Variants in SPEG observed in about 807,000 individuals in gnomAD.
SPEG encodes the protein striated muscle enriched protein kinase, also known as striated muscle preferentially expressed protein kinase.
SPEG carries 114 observed loss-of-function variants against 300.4 expected under a neutral mutation model. The ratio of observed to expected loss-of-function variants is 0.38; its 90% CI spans 0.33 to 0.44. SPEG has a LOEUF of 0.44. Ranked by LOEUF, SPEG falls within the 20% of genes least tolerant of loss-of-function variation. The probability of loss-of-function intolerance (pLI) is 1.00; values close to 1 mark genes in which losing one functional copy is unlikely to be tolerated. For synonymous variants in SPEG, 1,964 were observed against 2,018.9 expected, an observed-to-expected ratio of 0.97 and a Z score of 0.73; for missense variants, 4,201 against 4,586.2, an observed-to-expected ratio of 0.92 and a Z score of 2.43.
At position 219,477,874 on chromosome 2, in the gene SPEG, TG is replaced by T; in HGVS notation, c.4827-30del. 1 of 1,608,704 alleles carries T rather than the reference TG, an allele frequency of 6.2e-7. No homozygotes were observed. Among genetic ancestry groups the T allele is most frequent in the Non-Finnish European group, 8.5e-7 (1 of 1,175,648 alleles). On this transcript the variant is annotated intron_variant, in intron 21 of 40. Transcript: ENST00000312358. This position sits in a 1 kb window ranked among gnomAD's most constrained non-coding sequence, Gnocchi z 6.4. ...GGGTGGAGAGGGCCACAGTGATGGC[TG>T]ATCTCTGACCCCCTCCCTGTGTCAA...
Position 219,479,851 on chromosome 2 carries a change from C to T in SPEG, c.5154C>T (p.Leu1718=), listed in dbSNP as rs746644556. The part of the protein sequence containing the change: ...HYLHQSHVLH[L]DVKPENLLVW... ...TGCACCAGAGCCACGTGCTGCACCT[C>T]GATGTCAAGGTGAGGTGGGGACTGG... is the stretch of plus-strand genomic sequence containing the variant. The change falls in exon 24 of 41, where the codon CTC becomes CTT. Residue 1718 remains leucine, a synonymous_variant. Transcript: ENST00000312358. This position sits in a 1 kb window ranked among gnomAD's most constrained non-coding sequence, Gnocchi z 5.5. The T allele has an allele frequency of 8.9e-5, 143 of 1,613,920 alleles. No homozygotes were observed. The highest frequency in any genetic ancestry group is 1.1e-4 in the Non-Finnish European group (132 of 1,179,960).
At chr2:219,486,453 C>G (rs949980902) in intron 31 of SPEG, among the ~76,000 whole-genome samples, 5 of 152,122 alleles carry the variant, frequency 3.3e-5, no homozygotes, top group Admixed American at 2.0e-4. Context: ...TTGTGTCCAG[C>G]CTTGGCCAGG....
Position 219,449,175 on chromosome 2 carries a change from G to T in SPEG, c.2017G>T (p.Gly673Trp), listed in dbSNP as rs1402643910. The T allele has an allele frequency of 2.9e-6, 4 of 1,398,536 alleles. No individual in the cohort carries two copies. The East Asian group carries it at 1.2e-4, about 43-fold the overall frequency. The allele number at this position is 1,398,536 out of a possible 1,614,324, so 86.6% of individuals were successfully genotyped here. Residue 673 changes from glycine (G) to tryptophan (W), a missense_variant, in exon 4 of 41, where the codon GGG (glycine) becomes TGG (tryptophan). Physicochemically the swap from Gly to Trp is radical, Grantham distance 184 (BLOSUM62 -2). Transcript: ENST00000312358. ...GPEAEKRLRR[G>W]PEEDGPWGPW... ...TGAGGCAGAGAAGAGGCTTCGCAGA[G>T]GGCCGGAGGAGGACGGTCCCTGGGG...
At chr2:219,454,178 C>T (rs1429144813) in intron 6 of SPEG, among the ~76,000 whole-genome samples, 2 of 152,224 alleles carry the variant, frequency 1.3e-5, no homozygotes, top group Non-Finnish European at 2.9e-5. Context: ...ACCCACAGAT[C>T]TCAATTCCTG....
Position 219,484,985 on chromosome 2 carries a change from CACA to C in SPEG, c.7525_7527del (p.Asn2509del). ...GAGTCTGCGGCGCCTTGGCCTTCCG[CACA>C]ACCAGTTGGCCGCCCAGGCCGGCGC... On this transcript the variant is annotated inframe_deletion, in exon 30 of 41. Transcript: ENST00000312358. The C allele has an allele frequency of 1.3e-6, 2 of 1,530,976 alleles. No individual in the cohort carries two copies. Among genetic ancestry groups the C allele is most frequent in the Non-Finnish European group, 1.7e-6 (2 of 1,145,016 alleles). 94.8% of individuals were successfully genotyped at this position (1,530,976 alleles called of 1,614,324 possible).
rs201000374 is a variant in SPEG at position 219,484,054 on chromosome 2, C to A, written c.6591C>A (p.Thr2197=). 1.2e-6 allele frequency: 2 copies of A among 1,613,720 alleles called. No homozygotes were observed. The highest frequency in any genetic ancestry group is 4.5e-5 in the East Asian group (2 of 44,850). Residue 2197 remains threonine (T), a synonymous_variant, in exon 30 of 41, where the codon ACC becomes ACA. Transcript: ENST00000312358. ...STPKSAEPSA[T]TPSDAPQPPA... The stretch of plus-strand genomic sequence containing the variant: ...CTAAGTCTGCAGAACCTTCTGCCAC[C>A]ACACCTAGTGATGCTCCGCAGCCCC...
rs1197035710 is a variant in SPEG, at chr2:219,477,057, C to T, written c.4560+75C>T. ...GGGGGCGTGGGAGGGTCCTGGAAGG[C>T]CTTAGGAGGGCGGAGCCCGGGCAGA... is the stretch of plus-strand genomic sequence containing the variant. On this transcript the variant is annotated intron_variant, in intron 19 of 40. Transcript: ENST00000312358. This position sits in a 1 kb window ranked among gnomAD's most constrained non-coding sequence, Gnocchi z 6.4. 1.1e-4 allele frequency: 153 copies of T among 1,343,706 alleles called. No homozygotes were observed. Among genetic ancestry groups the T allele is most frequent in the Non-Finnish European group, 1.5e-4 (149 of 974,504 alleles). The allele number at this position is 1,343,706 out of a possible 1,614,324, so 83.2% of individuals were successfully genotyped here.
At chr2:219,475,207 C>T (rs558100092) in intron 18 of SPEG, among the ~76,000 whole-genome samples, 6 of 152,134 alleles carry the variant, frequency 3.9e-5, no homozygotes, top group African/African-American at 1.4e-4. Context: ...CATATGTAAC[C>T]GCCACTCAGA....
In SPEG at chr2:219,484,290, C is replaced by G; in HGVS notation, c.6827C>G (p.Ala2276Gly). ...AAPPSEPKPH[A>G]AVFARVASPP... is the part of the protein sequence containing the mutation. ...CCGCCTTCAGAGCCCAAGCCCCACGCTGCTGTCTTTGCCAGGGTGGCCTCC... is the reference window on the plus strand; with the variant it reads ...CCGCCTTCAGAGCCCAAGCCCCACGGTGCTGTCTTTGCCAGGGTGGCCTCC... Residue 2276 changes from alanine (A) to glycine (G), a missense_variant, in exon 30 of 41, where the codon GCT (alanine) becomes GGT (glycine). By Grantham distance (60) the Ala-to-Gly change is moderately conservative. This residue lies in a region of SPEG where 1,578 missense variants were observed against 1,506.0 expected (regional missense o/e 1.05). Coordinates refer to ENST00000312358, the MANE Select transcript of SPEG (RefSeq NM_005876.5). 1.2e-6 allele frequency: 2 copies of G among 1,607,634 alleles called. No individual in the cohort carries two copies. Among genetic ancestry groups the G allele is most frequent in the Non-Finnish European group, 1.7e-6 (2 of 1,179,440 alleles).
In SPEG at chr2:219,484,805, TC is replaced by T. The variant is rs966885713; in HGVS notation, c.7346del (p.Pro2449ArgfsTer9). The T allele has an allele frequency of 2.7e-6, 4 of 1,482,590 alleles. No homozygotes were observed. The highest frequency in any genetic ancestry group is 1.5e-5 in the African/African-American group (1 of 67,952). The allele number at this position is 1,482,590 out of a possible 1,614,324, so 91.8% of individuals were successfully genotyped here. On this transcript the variant is annotated frameshift_variant, in exon 30 of 41. Transcript: ENST00000312358. LOFTEE classifies it high-confidence loss of function. ...SSEGGSSARGSPVLAMRRRLS... is the reference protein window; with the variant it reads ...SSEGGSSARGXPVLAMRRRLS... ...GGAGGGCGGGAGCTCGGCGCGGGGC[TC>T]CCCGGTGCTGGCGATGCGCAGGCGG...
chr2:219,442,393 A>C (rs536948510), intron 1 of SPEG, among the ~76,000 whole-genome samples: 4 of 150,118 alleles, frequency 2.7e-5, no homozygotes, highest in Admixed American at 6.6e-5. Flanking sequence ...CTTCTTTGCC[A>C]CATCTTCTCT....
chr2:219,491,041 A>G, intron 38 of SPEG, 85 bp downstream of exon 38: 3 of 974,712 alleles, frequency 3.1e-6, no homozygotes, highest in Non-Finnish European at 4.7e-6. Context: ...TCACTTACAT[A>G]TGTGCCACTT....
In SPEG at chr2:219,458,409, T is replaced by TC. The variant is rs1273524524; in HGVS notation, c.2441-3470dup. Among the ~76,000 whole-genome samples, 1 of 151,520 alleles carries TC rather than the reference T, an allele frequency of 6.6e-6. No homozygotes were observed. The highest frequency in any genetic ancestry group is 6.6e-5 in the Admixed American group (1 of 15,244). ...GAAATGCAGTTTCTTTTTTTTTTTT[T>TC]CCCAATAAGCGTTTTGCACTCTTAA... On this transcript the variant is annotated intron_variant, in intron 6 of 40. Coordinates refer to ENST00000312358, the MANE Select transcript of SPEG (RefSeq NM_005876.5). This position sits in a 1 kb window ranked among gnomAD's most constrained non-coding sequence, Gnocchi z 4.2.
At position 219,449,060 on chromosome 2, in the gene SPEG, G is replaced by C; in HGVS notation, c.1902G>C (p.Pro634=). ...CCCCCGGTCGGAAGCGGGAGCCCCC[G>C]GCGCAGGCCGTGCGCTTCCTGCCCT... The part of the protein sequence containing the change: ...KAPPGRKREP[P]AQAVRFLPWA... Residue 634 remains proline, a synonymous_variant, in exon 4 of 41, where the codon CCG becomes CCC. Transcript: ENST00000312358. The C allele has an allele frequency of 2.0e-6, 3 of 1,518,044 alleles. No homozygotes were observed. The highest frequency in any genetic ancestry group is 2.6e-6 in the Non-Finnish European group (3 of 1,132,742). The allele number at this position is 1,518,044 out of a possible 1,614,324, so 94.0% of individuals were successfully genotyped here.
Position 219,452,760 on chromosome 2 carries a change from A to G in SPEG, c.2440+953A>G, listed in dbSNP as rs555230588. 3.9e-5 allele frequency among the ~76,000 whole-genome samples: 6 copies of G among 152,262 alleles called. No individual in the cohort carries two copies. The East Asian group carries it at 9.7e-4, about 25-fold the overall frequency. On this transcript the variant is annotated intron_variant, in intron 6 of 40. Transcript: ENST00000312358. ...CGGCACGGGGAAGGCGGGACATGCC[A>G]AGAGGGGGAACAGCACATGGTGTTC... is the stretch of plus-strand genomic sequence containing the variant.
In SPEG at chr2:219,477,005, G is replaced by GC. The variant is rs751699288; in HGVS notation, c.4560+25dup. Reference sequence around the variant, plus strand: ...AAGGTCAGAGTGTGCTGCTGGCTGAGCCTGGGGGAGGGAGGAGGGGCTCCC... The same window carrying GC: ...AAGGTCAGAGTGTGCTGCTGGCTGAGCCCTGGGGGAGGGAGGAGGGGCTCCC... On this transcript the variant is annotated intron_variant, in intron 19 of 40. Transcript: ENST00000312358. This position sits in a 1 kb window ranked among gnomAD's most constrained non-coding sequence, Gnocchi z 6.4. The GC allele has an allele frequency of 3.2e-6, 5 of 1,576,870 alleles. No homozygotes were observed. Among genetic ancestry groups the GC allele is most frequent in the Non-Finnish European group, 4.3e-6 (5 of 1,156,208 alleles).
rs895244429 is a variant in SPEG at position 219,489,161 on chromosome 2, C to T, written c.8257C>T (p.Arg2753Cys). ...GAGGTTCCGTGTGGCCTGTGCCAACCGTGCTGGGCAGGGGCCCTTCAGCAA... is the reference window on the plus strand; with the variant it reads ...GAGGTTCCGTGTGGCCTGTGCCAACTGTGCTGGGCAGGGGCCCTTCAGCAA... ...TVRFRVACAN[R>C]AGQGPFSNSS... Residue 2753 changes from arginine (R) to cysteine (C), a missense_variant, in exon 35 of 41, where the codon CGT (arginine) becomes TGT (cysteine). By Grantham distance (180) the Arg-to-Cys change is radical. Around this residue, in one of 4 missense-constraint regions of SPEG, gnomAD observed 1,578 missense variants for 1,506.0 expected, o/e 1.05. Coordinates refer to ENST00000312358, the MANE Select transcript of SPEG (RefSeq NM_005876.5). 7 of 1,613,882 alleles carry T rather than the reference C, an allele frequency of 4.3e-6. No homozygotes were observed. The highest frequency in any genetic ancestry group is 2.7e-5 in the African/African-American group (2 of 74,870).
Position 219,489,880 on chromosome 2 carries a change from T to C in SPEG, c.8862T>C (p.Gly2954=). The C allele has an allele frequency of 2.5e-6, 4 of 1,605,286 alleles. No homozygotes were observed. Among genetic ancestry groups the C allele is most frequent in the Non-Finnish European group, 3.4e-6 (4 of 1,173,742 alleles). Residue 2954 remains glycine (G), a synonymous_variant, in exon 36 of 41, where the codon GGT becomes GGC. Coordinates refer to ENST00000312358, the MANE Select transcript of SPEG (RefSeq NM_005876.5). ...CCCGAAGCTCTCCCAGGCCTGAGGG[T>C]ACCACTCTTCGACAGGGTCCCCCTC... The part of the protein sequence containing the change: ...SSPRSSPRPE[G]TTLRQGPPQK...
rs1359947282 is a variant in SPEG at position 219,458,273 on chromosome 2, G to A, written c.2441-3609G>A. Among the ~76,000 whole-genome samples, 1 of 152,198 alleles carries A rather than the reference G, an allele frequency of 6.6e-6. No individual in the cohort carries two copies. Among genetic ancestry groups the A allele is most frequent in the Non-Finnish European group, 1.5e-5 (1 of 68,040 alleles). On this transcript the variant is annotated intron_variant, in intron 6 of 40. Transcript: ENST00000312358. This position sits in a 1 kb window ranked among gnomAD's most constrained non-coding sequence, Gnocchi z 4.2. ...GGCTAGGCATGACACCCAGCCACAAGGGTCATGAGGCTCTGCCTATGAGGG... is the reference window on the plus strand; with the variant it reads ...GGCTAGGCATGACACCCAGCCACAAAGGTCATGAGGCTCTGCCTATGAGGG...
Sources: allele counts gnomAD v4.1 joint callset (sites outside exome capture counted in the v4.1 genomes callset), GRCh38; gene constraint gnomAD v4.1.1; regional missense constraint gnomAD v4.1.1; non-coding constraint Gnocchi (gnomAD v3.1); transcripts MANE v1.5; gene names NCBI Gene and HGNC (gene_info 2026-07-23, HGNC 2026-07-21).